AOAH: variants seen among roughly 807,000 people sequenced by gnomAD.
The protein encoded by AOAH is acyloxyacyl hydrolase, also known as acyloxyacyl hydrolase (neutrophil).
In AOAH, 64 loss-of-function variants were observed where a neutral mutation model predicts 92.2. The ratio of observed to expected loss-of-function variants is 0.69; its 90% CI spans 0.57 to 0.86. The LOEUF is 0.86. Among genes scored for constraint, AOAH ranks in the 40% least tolerant of loss-of-function variants. The pLI, the probability that AOAH is intolerant of heterozygous loss-of-function variation, is 0.00. For missense variants in AOAH, 656 were observed against 694.6 expected, an observed-to-expected ratio of 0.94 and a Z score of 0.62; for synonymous variants, 263 against 254.5, an observed-to-expected ratio of 1.03 and a Z score of -0.32.
intron 13 of AOAH, among the ~76,000 whole-genome samples, chr7:36,561,014 G>A (rs1787221165): frequency 6.6e-6 from 1 of 151,198 alleles, no homozygotes; most frequent in Non-Finnish European, 1.5e-5. Flanking sequence ...ATCTATGGGG[G>A]TAGACACATA....
At chr7:36,678,885 T>G (rs569578605) in intron 2 of AOAH, among the ~76,000 whole-genome samples, 1 of 152,186 alleles carries the variant, frequency 6.6e-6, no homozygotes, top group Non-Finnish European at 1.5e-5. Flanking sequence ...TTGTTACTGA[T>G]ACACCTGAAG....
chr7:36,716,581 C>A (rs1221440761), intron 1 of AOAH, among the ~76,000 whole-genome samples: 2 of 148,946 alleles, frequency 1.3e-5, no homozygotes, highest in East Asian at 2.0e-4. Flanking sequence ...CCCAAATGTC[C>A]AACAATGATA....
chr7:36,699,102 C>A (rs192926920), intron 1 of AOAH, among the ~76,000 whole-genome samples: 1 of 152,098 alleles, frequency 6.6e-6, no homozygotes, highest in African/African-American at 2.4e-5. Flanking sequence ...ATAGGAACCT[C>A]CAGTTACATC....
intron 11 of AOAH, among the ~76,000 whole-genome samples, chr7:36,606,687 A>G (rs1275048267): frequency 2.0e-5 from 3 of 152,198 alleles, no homozygotes; most frequent in Non-Finnish European, 4.4e-5. Context: ...TGCTGGCCTC[A>G]ATGATCTTTC....
chr7:36,597,498 T>C (rs1790214162), intron 11 of AOAH, among the ~76,000 whole-genome samples: 1 of 152,202 alleles, frequency 6.6e-6, no homozygotes, highest in African/African-American at 2.4e-5. Flanking sequence ...TCACAAGATA[T>C]GTTTAGCAGA....
chr7:36,586,157 A>G (rs1003807103), intron 12 of AOAH, among the ~76,000 whole-genome samples: 2 of 152,080 alleles, frequency 1.3e-5, no homozygotes, highest in African/African-American at 4.8e-5. Flanking sequence ...CATCCTATCA[A>G]TACAAGTATG....
rs1426434265 is a variant in AOAH, at chr7:36,614,252, G to T, written c.846+2128C>A. 6.6e-6 allele frequency among the ~76,000 whole-genome samples: 1 copy of T among 152,054 alleles called. No homozygotes were observed. The stretch of plus-strand genomic sequence containing the variant: ...GTGGCACTGCCCCACATTTTTTATT[G>T]TGTTGTTTGATAGGTCCATCCAGAA... On this transcript the variant is annotated intron_variant, in intron 11 of 20. Coordinates refer to ENST00000617537, the MANE Select transcript of AOAH (RefSeq NM_001637.4). The surrounding 1 kb of genome is among the most constrained non-coding windows in gnomAD (Gnocchi z 4.2).
intron 5 of AOAH, among the ~76,000 whole-genome samples, chr7:36,636,324 C>T (rs949145885): frequency 2.0e-5 from 3 of 151,930 alleles, no homozygotes; most frequent in Non-Finnish European, 4.4e-5. Flanking sequence ...TGGAATCCTG[C>T]CCCGTGAATT....
intron 1 of AOAH, among the ~76,000 whole-genome samples, chr7:36,713,036 C>T (rs1269389444): frequency 6.7e-6 from 1 of 148,854 alleles, no homozygotes; most frequent in African/African-American, 2.4e-5. Flanking sequence ...CACAGACTGG[C>T]AAATTGGATA....
At position 36,675,935 on chromosome 7, in the gene AOAH, C is replaced by T. The variant is rs150010728; in HGVS notation, c.224-1926G>A. On this transcript the variant is annotated intron_variant, in intron 2 of 20. Coordinates refer to ENST00000617537, the MANE Select transcript of AOAH (RefSeq NM_001637.4). ...AGATATTTGACAAAATATAACACTGCTTCATGATTTTATTAGGAATAAAAG... is the reference window on the plus strand; with the variant it reads ...AGATATTTGACAAAATATAACACTGTTTCATGATTTTATTAGGAATAAAAG... Among the ~76,000 whole-genome samples the T allele has an allele frequency of 2.5e-3, 375 of 152,222 alleles. 1 individual carries two copies. The highest frequency in any genetic ancestry group is 7.5e-3 in the African/African-American group (310 of 41,536).
rs768364625 is a variant in AOAH at position 36,532,192 on chromosome 7, G to A, written c.1380C>T (p.His460=). The change falls in exon 18 of 21, where the codon CAC becomes CAT. Residue 460 remains histidine, a synonymous_variant. Transcript: ENST00000617537. ...FLNCLQVSPC[H]GWMSSNKTLR... ...ACGTCTTGTTGGAAGACATCCAGCC[G>A]TGGCAGGGGCTGACCTGAGAGCGGG... The A allele has an allele frequency of 1.1e-4, 182 of 1,614,090 alleles. 3 individuals are homozygous for A. In the Admixed American group the frequency reaches 2.7e-3, roughly 24 times the overall value.
In AOAH at chr7:36,608,263, C is replaced by T. The variant is rs189037002; in HGVS notation, c.846+8117G>A. Among the ~76,000 whole-genome samples the T allele has an allele frequency of 1.4e-3, 214 of 152,338 alleles. 1 individual carries two copies. Among genetic ancestry groups the T allele is most frequent in the East Asian group, 5.6e-3 (29 of 5,174 alleles). ...GAGGGGGAAGCACACTTACCTTCCC[C>T]GACAGGGAAAGCTGAGCCCCACTGT... On this transcript the variant is annotated intron_variant, in intron 11 of 20. Transcript: ENST00000617537.
intron 3 of AOAH, among the ~76,000 whole-genome samples, chr7:36,673,114 G>A (rs1288995106): frequency 1.3e-5 from 2 of 152,108 alleles, no homozygotes; most frequent in Non-Finnish European, 2.9e-5. Context: ...GGGTTCAGGA[G>A]CTTATTTCAG....
chr7:36,671,728 G>A (rs186614044), intron 3 of AOAH, among the ~76,000 whole-genome samples: 1 of 151,932 alleles, frequency 6.6e-6, no homozygotes, highest in Non-Finnish European at 1.5e-5. Flanking sequence ...TAGAGGTAGG[G>A]GGTAGAGGTT....
intron 6 of AOAH, among the ~76,000 whole-genome samples, chr7:36,629,866 TATG>T (rs1028416632): frequency 3.3e-5 from 5 of 152,200 alleles, no homozygotes; most frequent in East Asian, 1.9e-4. Flanking sequence ...ATGAAAAAAA[TATG>T]ATGAAGTCCT....
At chr7:36,568,461 C>T (rs909282829) in intron 13 of AOAH, among the ~76,000 whole-genome samples, 17 of 152,176 alleles carry the variant, frequency 1.1e-4, no homozygotes, top group African/African-American at 2.7e-4. Context: ...TGGAGCTGTT[C>T]CTCACTCTTG....
chr7:36,660,362 C>A (rs1300458678), intron 3 of AOAH, among the ~76,000 whole-genome samples: 1 of 152,188 alleles, frequency 6.6e-6, no homozygotes, highest in East Asian at 1.9e-4. Context: ...GTCGCCCAGG[C>A]TGGAGTGCAG....
At chr7:36,522,205 C>T (rs2115835983) in intron 19 of AOAH, 90 bp from the exon 20 acceptor site, 1 of 1,221,200 alleles carries the variant, frequency 8.2e-7, no homozygotes, top group Non-Finnish European at 1.2e-6. Context: ...TGCCCATGCC[C>T]TCCCGGGCCC....
At chr7:36,692,971 C>T (rs10951493) in intron 1 of AOAH, among the ~76,000 whole-genome samples, 84,856 of 151,758 alleles carry the variant, frequency 0.56, 24,112 homozygotes, top group East Asian at 0.83. Context: ...AAAAGCTTTC[C>T]TACTCTTAAA....
Sources: allele counts gnomAD v4.1 joint callset (sites outside exome capture counted in the v4.1 genomes callset), GRCh38; gene constraint gnomAD v4.1.1; non-coding constraint Gnocchi (gnomAD v3.1); transcripts MANE v1.5; gene names NCBI Gene and HGNC (gene_info 2026-07-23, HGNC 2026-07-21).